The following NARS1 variants were observed in gnomAD, a reference collection of about 807,000 sequenced individuals.
The protein encoded by NARS1 is asparagine--tRNA ligase, cytoplasmic.
NARS1 carries 65 observed loss-of-function variants against 79.2 expected under a neutral mutation model. The observed-to-expected ratio is 0.82, with a 90% confidence interval of 0.67 to 1.01. The LOEUF (loss-of-function observed/expected upper bound fraction) is 1.01. NARS1 is among the 50% of genes least tolerant of loss of function. NARS1 has a pLI of 0.00. For synonymous variants in NARS1, 229 were observed against 238.8 expected, an observed-to-expected ratio of 0.96 and a Z score of 0.38; for missense variants, 649 against 673.8, an observed-to-expected ratio of 0.96 and a Z score of 0.41.
At chr18:57,606,894 C>T in intron 9 of NARS1, 143 bp from the exon 10 acceptor site, 1 of 1,037,214 alleles carries the variant, frequency 9.6e-7, no homozygotes, top group Non-Finnish European at 1.4e-6. Flanking sequence ...GTGGACTCCC[C>T]TCTTCTCCAC....
At chr18:57,605,043 T>A (rs1284507364) in intron 11 of NARS1, among the ~76,000 whole-genome samples, 9 of 151,104 alleles carry the variant, frequency 6.0e-5, no homozygotes, top group African/African-American at 2.2e-4. Context: ...TTTCTCGCCT[T>A]CCACATTAAG....
rs761948717 is a variant in NARS1 at position 57,607,310 on chromosome 18, T to A, written c.825A>T (p.Gln275His). 6 of 1,614,180 alleles carry A rather than the reference T, an allele frequency of 3.7e-6. No homozygotes were observed. Among genetic ancestry groups the A allele is most frequent in the South Asian group, 1.1e-5 (1 of 91,082 alleles). Residue 275 changes from glutamine to histidine, a missense_variant, in exon 9 of 14, where the codon CAA (glutamine) becomes CAT (histidine). By Grantham distance (24) the Gln-to-His change is conservative. Transcript: ENST00000256854. ...GTGTGGCACCACCTTCTACTTGTGT[T>A]TGCACTAATGTTGGAGGAGTAACCT... ...YYEVTPPTLV[Q>H]TQVEGGATLF... is the part of the protein sequence containing the mutation.
At chr18:57,606,255 A>G (rs2051555144) in intron 10 of NARS1, among the ~76,000 whole-genome samples, 1 of 151,454 alleles carries the variant, frequency 6.6e-6, no homozygotes, top group Non-Finnish European at 1.5e-5. Flanking sequence ...AGGCTGAGGC[A>G]GAATCGCTTG....
At chr18:57,616,222 A>T (rs970574147) in intron 2 of NARS1, among the ~76,000 whole-genome samples, 1 of 152,114 alleles carries the variant, frequency 6.6e-6, no homozygotes, top group Non-Finnish European at 1.5e-5. Flanking sequence ...GATCGAGACC[A>T]TCCTGGCTAA....
chr18:57,605,198 C>T (rs1158857971), intron 11 of NARS1, among the ~76,000 whole-genome samples: 1 of 150,498 alleles, frequency 6.6e-6, no homozygotes, highest in Non-Finnish European at 1.5e-5. Flanking sequence ...GCTTCACAAC[C>T]TTCTAAAGCA....
At chr18:57,619,496 G>A (rs1173163519) in intron 2 of NARS1, among the ~76,000 whole-genome samples, 1 of 151,988 alleles carries the variant, frequency 6.6e-6, no homozygotes, top group African/African-American at 2.4e-5. Context: ...CTCCCAAAGT[G>A]CTGGGATTAC....
chr18:57,607,837 GGATA>G (rs2122431987), intron 7 of NARS1, among the ~76,000 whole-genome samples, 172 bp from the exon 8 acceptor site: 1 of 148,172 alleles, frequency 6.7e-6, no homozygotes, highest in East Asian at 2.0e-4. Context: ...TGTTCTTTCT[GGATA>G]AATACACACT....
chr18:57,621,605 G>A, intron 1 of NARS1, 103 bp downstream of exon 1: 1 of 893,080 alleles, frequency 1.1e-6, no homozygotes, highest in African/African-American at 1.6e-5. Context: ...ACATTCGCGG[G>A]GCGCCCACTC....
At chr18:57,607,699 G>A in intron 7 of NARS1, 34 bp from the exon 8 acceptor site, 1 of 1,524,452 alleles carries the variant, frequency 6.6e-7, no homozygotes, top group Non-Finnish European at 8.9e-7. Flanking sequence ...CAGAGAAAGA[G>A]GGAAAAGGAA....
chr18:57,602,990 C>T (rs1427159330), intron 11 of NARS1, 47 bp from the exon 12 acceptor site: 1 of 1,606,668 alleles, frequency 6.2e-7, no homozygotes, highest in Non-Finnish European at 8.5e-7. Flanking sequence ...TGGATCGCAA[C>T]AAGACAGAAG....
At chr18:57,620,493 C>T (rs989656448) in intron 2 of NARS1, 76 bp downstream of exon 2, 3 of 999,982 alleles carry the variant, frequency 3.0e-6, no homozygotes, top group Admixed American at 2.2e-5. Flanking sequence ...AAATTAAGTT[C>T]TTGGCAAGTC....
intron 11 of NARS1, among the ~76,000 whole-genome samples, chr18:57,603,949 G>C (rs1023972659): frequency 6.6e-6 from 1 of 152,238 alleles, no homozygotes; most frequent in Non-Finnish European, 1.5e-5. Flanking sequence ...GTGTGGAACA[G>C]TAGCAATGTA....
chr18:57,610,817 G>A (rs929198010), intron 6 of NARS1, among the ~76,000 whole-genome samples: 2 of 152,104 alleles, frequency 1.3e-5, no homozygotes, highest in Admixed American at 6.6e-5. Flanking sequence ...ATCACTAAAC[G>A]CAGCATGTTA....
chr18:57,613,159 G>A (rs985882771), intron 5 of NARS1, among the ~76,000 whole-genome samples: 1 of 151,970 alleles, frequency 6.6e-6, no homozygotes, highest in African/African-American at 2.4e-5. Flanking sequence ...GCTGAGGCAG[G>A]AGGATGGCTG....
At chr18:57,608,432 C>G (rs1487663341) in intron 7 of NARS1, among the ~76,000 whole-genome samples, 2 of 78,208 alleles carry the variant, frequency 2.6e-5, no homozygotes, top group Non-Finnish European at 4.5e-5. Context: ...AGCGAAACTC[C>G]GTCTCAAAAA....
At chr18:57,620,712 T>C (rs1908264496) in intron 1 of NARS1, 61 bp from the exon 2 acceptor site, 2 of 959,164 alleles carry the variant, frequency 2.1e-6, no homozygotes, top group Non-Finnish European at 3.3e-6. Context: ...ACCTTACTAC[T>C]TTATTCATTC....
rs527556869 is a variant in NARS1 at position 57,609,642 on chromosome 18, C to T, written c.493-199G>A. ...AGGTTTATCTATATATAGACATATA[C>T]ATGTAAATATATACATATACATGTA... On this transcript the variant is annotated intron_variant, in intron 6 of 13. Coordinates refer to ENST00000256854, the MANE Select transcript of NARS1 (RefSeq NM_004539.4). Among the ~76,000 whole-genome samples the T allele has an allele frequency of 7.2e-5, 11 of 152,220 alleles. No individual in the cohort carries two copies. The East Asian group carries it at 2.1e-3, about 29-fold the overall frequency.
rs771775635 is a variant in NARS1 at position 57,601,658 on chromosome 18, C to A, written c.1641G>T (p.Thr547=). The A allele has an allele frequency of 1.5e-5, 25 of 1,613,256 alleles. No homozygotes were observed. In the South Asian group the frequency reaches 2.2e-4, roughly 14 times the overall value. The part of the protein sequence containing the change: ...CLYPRFVQRC[T]P ...ACGCTTCTGGAGAAAATGGTTATGGCGTGCAACGCTGGACAAATCGAGGGT... is the reference window on the plus strand; with the variant it reads ...ACGCTTCTGGAGAAAATGGTTATGGAGTGCAACGCTGGACAAATCGAGGGT... Residue 547 remains threonine (T), a synonymous_variant, in exon 14 of 14, where the codon ACG becomes ACT. Coordinates refer to ENST00000256854, the MANE Select transcript of NARS1 (RefSeq NM_004539.4).
intron 7 of NARS1, 138 bp from the exon 8 acceptor site, chr18:57,607,803 G>T: frequency 1.5e-6 from 1 of 646,528 alleles, no homozygotes. Context: ...CTTTAGTTTA[G>T]TTTTATATTG....
Sources: allele counts gnomAD v4.1 joint callset (sites outside exome capture counted in the v4.1 genomes callset), GRCh38; gene constraint gnomAD v4.1.1; transcripts MANE v1.5; gene names NCBI Gene and HGNC (gene_info 2026-07-23, HGNC 2026-07-21).